The following SNX27 variants were observed in gnomAD, a reference collection of about 807,000 sequenced individuals.
The protein encoded by SNX27 is sorting nexin-27.
A neutral mutation model predicts 71.6 loss-of-function variants in SNX27; 22 were observed. The ratio of observed to expected loss-of-function variants is 0.31; its 90% CI spans 0.22 to 0.44. The LOEUF is 0.44. Among genes scored for constraint, SNX27 ranks in the 20% least tolerant of loss-of-function variants. The probability of loss-of-function intolerance (pLI) is 1.00; values close to 1 mark genes in which losing one functional copy is unlikely to be tolerated. For missense variants in SNX27, 531 were observed against 698.6 expected (o/e 0.76, Z 2.70); for synonymous variants, 269 against 277.2 (o/e 0.97, Z 0.29).
chr1:151,626,806 C>G (rs990700429), intron 1 of SNX27, among the ~76,000 whole-genome samples: 11 of 152,194 alleles, frequency 7.2e-5, no homozygotes, highest in Non-Finnish European at 1.5e-4. Context: ...TTTCTGCTCA[C>G]TTGTATTTAG....
intron 2 of SNX27, among the ~76,000 whole-genome samples, chr1:151,655,756 G>T (rs1415922579): frequency 1.3e-5 from 2 of 152,136 alleles, no homozygotes; most frequent in Admixed American, 6.5e-5. Flanking sequence ...ATTACCACCT[G>T]GAAGTCCACA....
rs909345994 is a variant in SNX27, at chr1:151,683,537, G to A, written c.1239+92G>A. The A allele has an allele frequency of 2.3e-5, 20 of 877,324 alleles. No individual in the cohort carries two copies. The South Asian group carries it at 3.6e-4, about 16-fold the overall frequency. The allele number at this position is 877,324 out of a possible 1,614,324, so 54.3% of individuals were successfully genotyped here. A position where few individuals can be genotyped will look rare whatever the true frequency, so the allele number is the denominator to read the frequency against. On this transcript the variant is annotated intron_variant, in intron 8 of 11. Coordinates refer to ENST00000458013, the MANE Select transcript of SNX27 (RefSeq NM_001330723.2). ...TCATTTTTGAAAGGATTACAACCTGGTTAGTGGCTTAACTAATTTTAAAAA... is the reference window on the plus strand; with the variant it reads ...TCATTTTTGAAAGGATTACAACCTGATTAGTGGCTTAACTAATTTTAAAAA...
chr1:151,684,013 A>G (rs1175516287), intron 8 of SNX27, among the ~76,000 whole-genome samples: 1 of 152,196 alleles, frequency 6.6e-6, no homozygotes, highest in Non-Finnish European at 1.5e-5. Context: ...AAAAAGTGCT[A>G]AAACAAAAGT....
chr1:151,676,268 TAA>T (rs1670693457), intron 7 of SNX27: 2 of 143,070 alleles, frequency 1.4e-5, no homozygotes, highest in South Asian at 2.2e-4. Context: ...TTAGTGCTAT[TAA>T]TTTTTTTTTT....
intron 1 of SNX27, among the ~76,000 whole-genome samples, chr1:151,632,825 C>G (rs1003934441): frequency 1.3e-5 from 2 of 151,916 alleles, no homozygotes; most frequent in African/African-American, 4.8e-5. Flanking sequence ...TTCACACTTA[C>G]AGATGTGGAT....
At chr1:151,680,056 T>C (rs1670868225) in intron 7 of SNX27, 1 of 152,088 alleles carries the variant, frequency 6.6e-6, no homozygotes, top group Non-Finnish European at 1.5e-5. Flanking sequence ...TTTTAAATTA[T>C]ATACATCTTT....
chr1:151,633,973 T>TG (rs1181972524), intron 1 of SNX27, among the ~76,000 whole-genome samples: 86 of 130,300 alleles, frequency 6.6e-4, no homozygotes, highest in South Asian at 1.6e-3. Flanking sequence ...TGTATGTGTG[T>TG]TTTTTTTTTT....
chr1:151,629,680 T>C (rs1571775002), intron 1 of SNX27, among the ~76,000 whole-genome samples: 1 of 148,528 alleles, frequency 6.7e-6, no homozygotes, highest in Non-Finnish European at 1.5e-5. Flanking sequence ...GCTTCCTGGG[T>C]TCAAGCGATT....
chr1:151,690,940 C>G (rs551156038), intron 8 of SNX27, among the ~76,000 whole-genome samples: 1 of 152,182 alleles, frequency 6.6e-6, no homozygotes, highest in Non-Finnish European at 1.5e-5. Context: ...TAGTCTGGGC[C>G]TCTTCCTCAC....
At chr1:151,657,062 G>T (rs1191884513) in intron 2 of SNX27, among the ~76,000 whole-genome samples, 1 of 152,214 alleles carries the variant, frequency 6.6e-6, no homozygotes, top group Non-Finnish European at 1.5e-5. Context: ...TGGAATAGAG[G>T]AGGCGGAGAC....
intron 11 of SNX27, chr1:151,694,159 T>C: frequency 7.6e-7 from 1 of 1,319,824 alleles, no homozygotes; most frequent in Non-Finnish European, 9.7e-7. Flanking sequence ...TTTTCTCTTC[T>C]GTGAAACAGG....
chr1:151,662,067 C>A, intron 4 of SNX27, 99 bp from the exon 5 acceptor site: 2 of 738,874 alleles, frequency 2.7e-6, no homozygotes, highest in Non-Finnish European at 4.5e-6. Flanking sequence ...GAACTCACTT[C>A]TTCTCTACCA....
At position 151,692,549 on chromosome 1, in the gene SNX27, A is replaced by G; in HGVS notation, c.1354A>G (p.Lys452Glu). The change falls in exon 9 of 12, where the codon AAA (lysine) becomes GAA (glutamate). Residue 452 changes from lysine (K) to glutamate (E), a missense_variant. Physicochemically the swap from Lys to Glu is moderately conservative, Grantham distance 56. This residue lies in a region of SNX27 where 157 missense variants were observed against 178.4 expected (regional missense o/e 0.88). Coordinates refer to ENST00000458013, the MANE Select transcript of SNX27 (RefSeq NM_001330723.2). Reference protein sequence around the residue: ...VITAISITHFKLHACTEEGQL... With the variant: ...VITAISITHFELHACTEEGQL... ...CACAGCCATCAGCATCACGCACTTT[A>G]AACTGCATGCCTGCACTGAAGAAGG... is the stretch of plus-strand genomic sequence containing the variant. 4 of 1,612,918 alleles carry G rather than the reference A, an allele frequency of 2.5e-6. No homozygotes were observed. Among genetic ancestry groups the G allele is most frequent in the Non-Finnish European group, 3.4e-6 (4 of 1,179,734 alleles).
Position 151,624,965 on chromosome 1 carries a change from A to G in SNX27, c.311+12453A>G, listed in dbSNP as rs1198890783. The stretch of plus-strand genomic sequence containing the variant: ...AGGTATTAAGGTTGAAGAACAGATG[A>G]GTCTTATTTGTACTTCTTCTGCCTC... On this transcript the variant is annotated intron_variant, in intron 1 of 11. Coordinates refer to ENST00000458013, the MANE Select transcript of SNX27 (RefSeq NM_001330723.2). 2.0e-5 allele frequency among the ~76,000 whole-genome samples: 3 copies of G among 152,190 alleles called. No homozygotes were observed. In the East Asian group the frequency reaches 5.8e-4, roughly 29 times the overall value.
rs1333709502 is a variant in SNX27, at chr1:151,698,416, A to G, written c.*3999A>G. The stretch of plus-strand genomic sequence containing the variant: ...CTTCTCGCCATCATACTGTTTGGCT[A>G]GATTCATTCAGCAGTAGAAGCTGTT... On this transcript the variant is annotated 3_prime_UTR_variant, in exon 12 of 12. Coordinates refer to ENST00000458013, the MANE Select transcript of SNX27 (RefSeq NM_001330723.2). The G allele has an allele frequency of 6.6e-6, 1 of 152,650 alleles. No individual in the cohort carries two copies. Among genetic ancestry groups the G allele is most frequent in the Non-Finnish European group, 1.5e-5 (1 of 68,044 alleles). The allele number at this position is 152,650 out of a possible 1,614,324, so 9.5% of individuals were successfully genotyped here.
intron 2 of SNX27, among the ~76,000 whole-genome samples, chr1:151,647,107 A>C (rs1378426762): frequency 6.7e-6 from 1 of 149,960 alleles, no homozygotes; most frequent in African/African-American, 2.5e-5. Context: ...GTCTACTGAC[A>C]GACAGGTTTA....
At chr1:151,646,092 C>A (rs1669022070) in intron 2 of SNX27, among the ~76,000 whole-genome samples, 1 of 152,096 alleles carries the variant, frequency 6.6e-6, no homozygotes, top group Admixed American at 6.5e-5. Flanking sequence ...TGTAATATAT[C>A]TATCTGTCTT....
intron 8 of SNX27, among the ~76,000 whole-genome samples, chr1:151,689,021 C>T (rs1671319336): frequency 6.6e-6 from 1 of 152,066 alleles, no homozygotes; most frequent in Non-Finnish European, 1.5e-5. Context: ...ATTTTTAGAG[C>T]TTATGCCATT....
At chr1:151,661,131 C>T in intron 4 of SNX27, 1 of 369,968 alleles carries the variant, frequency 2.7e-6, no homozygotes, top group Non-Finnish European at 5.0e-6. Context: ...GCAATTAGTT[C>T]CATTCAGTGA....
Sources: gnomAD v4.1 joint callset for allele counts (sites outside exome capture counted in the v4.1 genomes callset) on GRCh38, gnomAD v4.1.1 for gene constraint, gnomAD v4.1.1 regional missense constraint, MANE v1.5 for transcripts, NCBI Gene and HGNC (gene_info 2026-07-23, HGNC 2026-07-21) for gene names.